The following ARHGAP26 variants were observed in gnomAD, a reference collection of about 807,000 sequenced individuals.
ARHGAP26 encodes rho GTPase-activating protein 26.
A neutral mutation model predicts 104.8 loss-of-function variants in ARHGAP26; 38 were observed. That is an observed-to-expected ratio of 0.36 (90% CI 0.28 to 0.48). The LOEUF is 0.48. ARHGAP26 is among the 20% of genes least tolerant of loss of function. ARHGAP26 has a pLI of 0.99. For missense variants in ARHGAP26, 704 were observed against 947.9 expected (o/e 0.74, Z 3.38); for synonymous variants, 341 against 340.0 (o/e 1.00, Z -0.03).
intron 17 of ARHGAP26, among the ~76,000 whole-genome samples, chr5:143,066,988 G>T (rs927675475): frequency 6.6e-6 from 1 of 151,622 alleles, no homozygotes; most frequent in Non-Finnish European, 1.5e-5. Context: ...AACAAGCCAC[G>T]TAGGGCTGAT....
rs142190778 is a variant in ARHGAP26 at position 142,895,198 on chromosome 5, T to A, written c.597+850T>A. 6.8e-4 allele frequency among the ~76,000 whole-genome samples: 104 copies of A among 152,328 alleles called. 2 individuals are homozygous for A. Among genetic ancestry groups the A allele is most frequent in the African/African-American group, 2.2e-3 (93 of 41,588 alleles). On this transcript the variant is annotated intron_variant, in intron 6 of 22. Transcript: ENST00000645722. ...TGGCATCTCTGTACAAATAAGATTCTCTACCTAGATTTAAGAAAGGATAAT... is the reference window on the plus strand; with the variant it reads ...TGGCATCTCTGTACAAATAAGATTCACTACCTAGATTTAAGAAAGGATAAT...
At chr5:143,070,021 G>A (rs949880115) in intron 17 of ARHGAP26, among the ~76,000 whole-genome samples, 2 of 152,124 alleles carry the variant, frequency 1.3e-5, no homozygotes, top group African/African-American at 4.8e-5. Context: ...GTGGTGTTTG[G>A]TGGAGTGCCG....
chr5:143,068,025 G>A (rs1156591423), intron 17 of ARHGAP26, among the ~76,000 whole-genome samples: 1 of 152,140 alleles, frequency 6.6e-6, no homozygotes, highest in Non-Finnish European at 1.5e-5. Context: ...TTACCTGGGT[G>A]TGGTGGCATT....
rs1414408846 is a variant in ARHGAP26, at chr5:143,012,548, C to CATATATATAT, written c.1108-1529_1108-1528insTATATATATA. 3.2e-3 allele frequency among the ~76,000 whole-genome samples: 75 copies of CATATATATAT among 23,334 alleles called. 6 individuals carry two copies. The highest frequency in any genetic ancestry group is 0.014 in the Middle Eastern group (1 of 74). 15.3% of individuals were successfully genotyped at this position (23,334 alleles called of 152,430 possible). A position where few individuals can be genotyped will look rare whatever the true frequency, so the allele number is the denominator to read the frequency against. On this transcript the variant is annotated intron_variant, in intron 11 of 22. Transcript: ENST00000645722. ...CTGGAGGGATATATTTATATACATA[C>CATATATATAT]ATACATATATATATATATATATATA... is the stretch of plus-strand genomic sequence containing the variant.
chr5:143,207,128 C>T (rs1201440143), intron 20 of ARHGAP26, 70 bp from the exon 21 acceptor site: 11 of 1,560,116 alleles, frequency 7.1e-6, no homozygotes, highest in African/African-American at 5.4e-5. Context: ...TCTGGCCTCC[C>T]ATGACCTCCT....
At chr5:143,156,856 GCAC>G (rs905773142) in intron 20 of ARHGAP26, among the ~76,000 whole-genome samples, 1 of 152,214 alleles carries the variant, frequency 6.6e-6, no homozygotes, top group African/African-American at 2.4e-5. Context: ...CACCAGGGCT[GCAC>G]TTTCCATCTC....
At chr5:142,833,842 G>GTC (rs1355364484) in intron 1 of ARHGAP26, among the ~76,000 whole-genome samples, 1 of 152,156 alleles carries the variant, frequency 6.6e-6, no homozygotes, top group African/African-American at 2.4e-5. Flanking sequence ...AATTTACCTC[G>GTC]TCTTTCTGAA....
At position 143,103,758 on chromosome 5, in the gene ARHGAP26, G is replaced by T. The variant is rs555405801; in HGVS notation, c.1539-17230G>T. Among the ~76,000 whole-genome samples, 15 of 152,204 alleles carry T rather than the reference G, an allele frequency of 9.9e-5. No homozygotes were observed. In the South Asian group the frequency reaches 2.9e-3, roughly 29 times the overall value. The stretch of plus-strand genomic sequence containing the variant: ...GGAGTTGAACAGTGAGAACATATGG[G>T]CACAGGGAGGGGCACAGCATACACC... On this transcript the variant is annotated intron_variant, in intron 17 of 22. Transcript: ENST00000645722.
At chr5:142,786,499 G>C (rs1260822542) in intron 1 of ARHGAP26, among the ~76,000 whole-genome samples, 4 of 151,800 alleles carry the variant, frequency 2.6e-5, no homozygotes, top group Admixed American at 6.6e-5. Flanking sequence ...GGATCTTGCT[G>C]TGTTGCTCAG....
intron 17 of ARHGAP26, among the ~76,000 whole-genome samples, chr5:143,072,617 C>G (rs1261813458): frequency 6.6e-6 from 1 of 152,110 alleles, no homozygotes; most frequent in African/African-American, 2.4e-5. Context: ...ATGGATGGAA[C>G]TGAAGAACAT....
intron 20 of ARHGAP26, among the ~76,000 whole-genome samples, chr5:143,185,644 G>A (rs190992515): frequency 5.9e-5 from 9 of 152,238 alleles, no homozygotes; most frequent in Admixed American, 1.3e-4. Flanking sequence ...TACTTTATCC[G>A]GTTCAGCAAG....
At chr5:142,895,906 A>T (rs925927709) in intron 6 of ARHGAP26, among the ~76,000 whole-genome samples, 1 of 152,210 alleles carries the variant, frequency 6.6e-6, no homozygotes, top group African/African-American at 2.4e-5. Flanking sequence ...TAATTTCTGG[A>T]TACCACTCCC....
intron 11 of ARHGAP26, among the ~76,000 whole-genome samples, chr5:142,978,173 C>T (rs1394873701): frequency 6.6e-6 from 1 of 152,174 alleles, no homozygotes; most frequent in Non-Finnish European, 1.5e-5. Context: ...TGGGTCTTAA[C>T]TGTATTCAGA....
At chr5:143,191,008 T>A (rs1049078473) in intron 20 of ARHGAP26, among the ~76,000 whole-genome samples, 2 of 152,330 alleles carry the variant, frequency 1.3e-5, no homozygotes, top group East Asian at 3.9e-4. Context: ...AGAATGCAGA[T>A]CAGTGGTTGC....
intron 17 of ARHGAP26, among the ~76,000 whole-genome samples, chr5:143,089,710 T>A (rs1224447660): frequency 2.0e-5 from 3 of 152,222 alleles, no homozygotes; most frequent in Admixed American, 2.0e-4. Flanking sequence ...CCAATCTACA[T>A]TTTTATTAAT....
intron 20 of ARHGAP26, chr5:143,164,907 A>G (rs990322115): frequency 6.6e-6 from 1 of 152,248 alleles, no homozygotes; most frequent in Non-Finnish European, 1.5e-5. Flanking sequence ...TAGAATCTGA[A>G]TATATAATCA....
At chr5:143,087,201 A>G (rs1007829471) in intron 17 of ARHGAP26, among the ~76,000 whole-genome samples, 3 of 152,260 alleles carry the variant, frequency 2.0e-5, no homozygotes, top group African/African-American at 7.2e-5. Context: ...GACATTAAAT[A>G]TGATTCCTTA....
intron 19 of ARHGAP26, among the ~76,000 whole-genome samples, chr5:143,135,571 A>G (rs999343482): frequency 2.0e-5 from 3 of 152,150 alleles, no homozygotes; most frequent in Non-Finnish European, 4.4e-5. Context: ...CATAACTTCT[A>G]AAAGCAAACC....
chr5:142,930,259 C>A (rs1764518656), intron 10 of ARHGAP26, among the ~76,000 whole-genome samples: 1 of 152,148 alleles, frequency 6.6e-6, no homozygotes, highest in South Asian at 2.1e-4. Context: ...AGGGTGGAAT[C>A]AGTTCATTGT....
Sources: allele counts gnomAD v4.1 joint callset (sites outside exome capture counted in the v4.1 genomes callset), GRCh38; gene constraint gnomAD v4.1.1; transcripts MANE v1.5; gene names NCBI Gene and HGNC (gene_info 2026-07-23, HGNC 2026-07-21).